MAGI1: variants seen among roughly 807,000 people sequenced by gnomAD.
MAGI1 encodes membrane-associated guanylate kinase, WW and PDZ domain-containing protein 1.
MAGI1 carries 58 observed loss-of-function variants against 139.9 expected under a neutral mutation model. That is an observed-to-expected ratio of 0.41 (90% CI 0.34 to 0.52). The LOEUF (loss-of-function observed/expected upper bound fraction) is 0.52, where lower values mean the gene tolerates loss of function less well. Ranked by LOEUF, MAGI1 falls within the 20% of genes least tolerant of loss-of-function variation. The probability of loss-of-function intolerance (pLI) is 0.12; values close to 1 mark genes in which losing one functional copy is unlikely to be tolerated. For missense variants in MAGI1, 1,874 were observed against 1,901.6 expected (o/e 0.99, Z 0.27); for synonymous variants, 812 against 737.9 (o/e 1.10, Z -1.63).
intron 1 of MAGI1, among the ~76,000 whole-genome samples, chr3:65,737,853 A>G (rs934282079): frequency 6.6e-6 from 1 of 152,124 alleles, no homozygotes; most frequent in African/African-American, 2.4e-5. Flanking sequence ...CACTTAACCA[A>G]TTACCGAAAA....
chr3:65,691,788 G>A (rs868307378), intron 1 of MAGI1, among the ~76,000 whole-genome samples: 2 of 152,252 alleles, frequency 1.3e-5, no homozygotes, highest in African/African-American at 4.8e-5. Flanking sequence ...CTGTATTTGA[G>A]ACTGCTGTGG....
At position 65,467,472 on chromosome 3, in the gene MAGI1, TAATA is replaced by T. The variant is rs1388606805; in HGVS notation, c.959+2807_959+2810del. Among the ~76,000 whole-genome samples the T allele has an allele frequency of 2.0e-5, 3 of 152,238 alleles. No homozygotes were observed. The East Asian group carries it at 5.8e-4, about 29-fold the overall frequency. ...TATAAATGATATGTATCTAATCACT[TAATA>T]TATATGAAATTTGATAGTTGCAGCC... On this transcript the variant is annotated intron_variant, in intron 5 of 22. Coordinates refer to ENST00000402939, the MANE Select transcript of MAGI1 (RefSeq NM_001033057.2).
At chr3:65,509,042 A>T (rs927796383) in intron 2 of MAGI1, among the ~76,000 whole-genome samples, 2 of 152,230 alleles carry the variant, frequency 1.3e-5, no homozygotes, top group Non-Finnish European at 2.9e-5. Context: ...TTTTCACCAG[A>T]TACTTGCCTC....
chr3:65,417,948 C>A (rs760277243), intron 12 of MAGI1, among the ~76,000 whole-genome samples: 2 of 152,212 alleles, frequency 1.3e-5, no homozygotes, highest in Non-Finnish European at 2.9e-5. Context: ...TAGCAGAGGG[C>A]GATTTTGCCC....
At chr3:65,481,181 T>C (rs1446960425) in intron 3 of MAGI1, among the ~76,000 whole-genome samples, 1 of 152,170 alleles carries the variant, frequency 6.6e-6, no homozygotes, top group Non-Finnish European at 1.5e-5. Context: ...AAAAATCTTC[T>C]TTCAGGTTTC....
intron 1 of MAGI1, chr3:65,874,887 A>C (rs2060061326): frequency 6.6e-6 from 1 of 152,630 alleles, no homozygotes; most frequent in Admixed American, 6.5e-5. Flanking sequence ...GGGGAAAAAA[A>C]TATGTATCTA....
intron 5 of MAGI1, among the ~76,000 whole-genome samples, chr3:65,459,895 A>G (rs1229837783): frequency 6.6e-6 from 1 of 152,184 alleles, no homozygotes; most frequent in Non-Finnish European, 1.5e-5. Flanking sequence ...ACTGCACTCC[A>G]ACATGGGCAA....
chr3:65,979,954 G>A (rs149342593), intron 1 of MAGI1, among the ~76,000 whole-genome samples: 135 of 152,280 alleles, frequency 8.9e-4, no homozygotes, highest in Admixed American at 1.4e-3. Context: ...CTGGCCTCTA[G>A]AGTGGGTCAC....
chr3:65,410,326 A>G (rs944150360), intron 12 of MAGI1, among the ~76,000 whole-genome samples: 4 of 152,218 alleles, frequency 2.6e-5, no homozygotes, highest in Admixed American at 2.6e-4. Flanking sequence ...CTGCACTCTA[A>G]GTACTAATAT....
chr3:65,443,504 G>A (rs1260555164), intron 7 of MAGI1, among the ~76,000 whole-genome samples: 2 of 152,146 alleles, frequency 1.3e-5, no homozygotes, highest in African/African-American at 2.4e-5. Context: ...CAATGGCACT[G>A]GGGGATGTAT....
intron 12 of MAGI1, among the ~76,000 whole-genome samples, chr3:65,414,335 A>G (rs1235591295): frequency 1.3e-5 from 2 of 152,220 alleles, no homozygotes; most frequent in Non-Finnish European, 2.9e-5. Flanking sequence ...ATATAGGACA[A>G]AAGAGTTTCA....
chr3:66,018,754 C>T (rs1418518433), intron 1 of MAGI1, among the ~76,000 whole-genome samples: 1 of 152,214 alleles, frequency 6.6e-6, no homozygotes, highest in African/African-American at 2.4e-5. Context: ...TCTCACCTCA[C>T]TCAGCACAGC....
At chr3:65,667,272 A>G (rs2086591200) in intron 1 of MAGI1, among the ~76,000 whole-genome samples, 1 of 152,188 alleles carries the variant, frequency 6.6e-6, no homozygotes, top group Non-Finnish European at 1.5e-5. Context: ...AGATGGGTGG[A>G]CCAGCATGGG....
chr3:65,378,683 C>CTTT, intron 17 of MAGI1, among the ~76,000 whole-genome samples: 1 of 140,652 alleles, frequency 7.1e-6, no homozygotes, highest in Admixed American at 7.1e-5. Context: ...CTTTCCTTTT[C>CTTT]TTTTTTTTTT....
intron 1 of MAGI1, among the ~76,000 whole-genome samples, chr3:65,798,332 C>A (rs814754): frequency 0.44 from 66,219 of 150,898 alleles, 15,505 homozygotes; most frequent in East Asian, 0.77. Flanking sequence ...AACAAACAAA[C>A]AAACACAGCC....
At chr3:65,528,599 G>A (rs184097888) in intron 2 of MAGI1, among the ~76,000 whole-genome samples, 3 of 152,194 alleles carry the variant, frequency 2.0e-5, no homozygotes, top group Non-Finnish European at 2.9e-5. Context: ...ACAAAGGGCT[G>A]TTGTGATCAT....
chr3:65,423,518 G>C (rs1339871184), intron 12 of MAGI1, among the ~76,000 whole-genome samples: 1 of 152,222 alleles, frequency 6.6e-6, no homozygotes, highest in African/African-American at 2.4e-5. Flanking sequence ...TGAGAATTAA[G>C]AGGCATTACT....
intron 1 of MAGI1, among the ~76,000 whole-genome samples, chr3:65,954,876 C>T (rs1335297380): frequency 2.6e-5 from 4 of 152,154 alleles, no homozygotes; most frequent in Non-Finnish European, 5.9e-5. Flanking sequence ...GCAGCTGTTG[C>T]TATTTGTGCA....
At chr3:66,028,372 A>C in intron 1 of MAGI1, among the ~76,000 whole-genome samples, 1 of 152,108 alleles carries the variant, frequency 6.6e-6, no homozygotes, top group Non-Finnish European at 1.5e-5. Flanking sequence ...CCTTACAACC[A>C]CTTTATGACA....
Sources: allele counts gnomAD v4.1 joint callset (sites outside exome capture counted in the v4.1 genomes callset), GRCh38; gene constraint gnomAD v4.1.1; transcripts MANE v1.5; gene names NCBI Gene and HGNC (gene_info 2026-07-23, HGNC 2026-07-21).